VPS8: variants seen among roughly 807,000 people sequenced by gnomAD.
VPS8 encodes the protein VPS8 subunit of CORVET complex, also known as vacuolar protein sorting-associated protein 8 homolog.
VPS8 carries 129 observed loss-of-function variants against 216.4 expected under a neutral mutation model. The ratio of observed to expected loss-of-function variants is 0.60; its 90% CI spans 0.52 to 0.69. The LOEUF is 0.69. Ranked by LOEUF, VPS8 falls within the 30% of genes least tolerant of loss-of-function variation. VPS8 has a pLI of 0.00. For synonymous variants in VPS8, 571 were observed against 565.4 expected, an observed-to-expected ratio of 1.01 and a Z score of -0.14; for missense variants, 1,531 against 1,683.5, an observed-to-expected ratio of 0.91 and a Z score of 1.59.
chr3:184,851,593 C>T (rs1400056373), intron 10 of VPS8, among the ~76,000 whole-genome samples: 1 of 152,034 alleles, frequency 6.6e-6, no homozygotes, highest in Non-Finnish European at 1.5e-5. Flanking sequence ...TCCTGCACTC[C>T]AGCGGACCAT....
At chr3:184,926,027 G>A (rs1218361578) in intron 30 of VPS8, among the ~76,000 whole-genome samples, 1 of 149,484 alleles carries the variant, frequency 6.7e-6, no homozygotes, top group Non-Finnish European at 1.5e-5. Flanking sequence ...CGCCCTCCTC[G>A]GCCTCCCAAA....
intron 15 of VPS8, among the ~76,000 whole-genome samples, chr3:184,861,701 A>G (rs1726398858): frequency 6.6e-6 from 1 of 152,206 alleles, no homozygotes; most frequent in Non-Finnish European, 1.5e-5. Flanking sequence ...TAAAAGGCTT[A>G]TTTACAACAA....
chr3:184,885,981 C>A, intron 21 of VPS8, 129 bp from the exon 22 acceptor site: 2 of 1,001,952 alleles, frequency 2.0e-6, no homozygotes, highest in Non-Finnish European at 1.5e-6. Context: ...TGCCAAATTG[C>A]TTACCAAAAG....
intron 8 of VPS8, among the ~76,000 whole-genome samples, chr3:184,847,788 TAATA>T (rs1723420398): frequency 6.6e-6 from 1 of 152,218 alleles, no homozygotes; most frequent in South Asian, 2.1e-4. Flanking sequence ...TAACAGAATT[TAATA>T]AATATTTGAG....
At chr3:184,944,551 T>A in intron 36 of VPS8, 1 of 985,420 alleles carries the variant, frequency 1.0e-6, no homozygotes, top group Non-Finnish European at 1.2e-6. Flanking sequence ...CACGTGTTTT[T>A]TGTGAGGCCA....
chr3:184,822,637 G>T (rs960425098), intron 1 of VPS8, among the ~76,000 whole-genome samples: 1 of 152,224 alleles, frequency 6.6e-6, no homozygotes, highest in African/African-American at 2.4e-5. Flanking sequence ...ACGTGAATTA[G>T]ATTGTGCATG....
intron 3 of VPS8, among the ~76,000 whole-genome samples, chr3:184,828,555 T>G (rs970386974): frequency 6.6e-6 from 1 of 152,170 alleles, no homozygotes; most frequent in Admixed American, 6.5e-5. Flanking sequence ...TCTTCTGAGA[T>G]TTTTAATTTT....
At chr3:184,824,499 AT>A in intron 1 of VPS8, 45 bp from the exon 2 acceptor site, 1 of 925,228 alleles carries the variant, frequency 1.1e-6, no homozygotes, top group Middle Eastern at 2.4e-4. Flanking sequence ...GGAAATCTAA[AT>A]GATAGTGTTT....
chr3:184,893,311 A>G, intron 22 of VPS8: 2 of 1,286,122 alleles, frequency 1.6e-6, no homozygotes, highest in South Asian at 1.2e-5. Context: ...GTCATGAAAG[A>G]CCATACCTGT....
At position 184,985,688 on chromosome 3, in the gene VPS8, G is replaced by C. The variant is rs575709066; in HGVS notation, c.3585+2594G>C. ...CAAATGGCCTAAACAAGGCCAATCA[G>C]TGTGCTTTCCAGGACATTTTGGAAC... On this transcript the variant is annotated intron_variant, in intron 42 of 47. Coordinates refer to ENST00000625842, the MANE Select transcript of VPS8 (RefSeq NM_001009921.3). Among the ~76,000 whole-genome samples the C allele has an allele frequency of 7.9e-5, 12 of 152,314 alleles. No individual in the cohort carries two copies. The South Asian group carries it at 2.5e-3, about 32-fold the overall frequency.
intron 24 of VPS8, among the ~76,000 whole-genome samples, chr3:184,899,281 A>AT (rs1262283455): frequency 6.6e-6 from 1 of 152,216 alleles, no homozygotes; most frequent in Non-Finnish European, 1.5e-5. Context: ...TTGTAGACAC[A>AT]TGTAGTGCCC....
chr3:184,919,486 T>C (rs1282797493), intron 28 of VPS8, among the ~76,000 whole-genome samples: 1 of 152,210 alleles, frequency 6.6e-6, no homozygotes, highest in Non-Finnish European at 1.5e-5. Flanking sequence ...TTACATATAC[T>C]GACAAACAGA....
At chr3:184,967,443 A>C (rs956812215) in intron 39 of VPS8, among the ~76,000 whole-genome samples, 7 of 152,240 alleles carry the variant, frequency 4.6e-5, no homozygotes, top group African/African-American at 1.7e-4. Flanking sequence ...GTTTTAACCC[A>C]AAGCAGTAAA....
chr3:184,871,616 T>A (rs992136320), intron 21 of VPS8, among the ~76,000 whole-genome samples: 1 of 152,140 alleles, frequency 6.6e-6, no homozygotes, highest in African/African-American at 2.4e-5. Flanking sequence ...AGAAACAGGC[T>A]ATGGGCAGGA....
At chr3:184,876,043 C>G (rs763557957) in intron 21 of VPS8, among the ~76,000 whole-genome samples, 1 of 151,578 alleles carries the variant, frequency 6.6e-6, no homozygotes, top group Non-Finnish European at 1.5e-5. Flanking sequence ...CATCCCTTAA[C>G]CTATTCCATG....
intron 3 of VPS8, among the ~76,000 whole-genome samples, chr3:184,830,974 G>A (rs1023726825): frequency 2.0e-5 from 3 of 152,168 alleles, no homozygotes; most frequent in Non-Finnish European, 4.4e-5. Flanking sequence ...CTATAGATAT[G>A]GATGAGCTTA....
rs530373645 is a variant in VPS8 at position 185,047,915 on chromosome 3, G to A, written c.4057-564G>A. Among the ~76,000 whole-genome samples the A allele has an allele frequency of 5.3e-5, 8 of 152,268 alleles. No individual in the cohort carries two copies. The East Asian group carries it at 1.2e-3, about 22-fold the overall frequency. ...GATCAGGTCCACTGAGAGAAGAACC[G>A]CAGTTTGGCAGGTCCCACCACAATA... On this transcript the variant is annotated intron_variant, in intron 46 of 47. Coordinates refer to ENST00000625842, the MANE Select transcript of VPS8 (RefSeq NM_001009921.3).
chr3:184,839,858 A>G (rs1052363071), intron 7 of VPS8, 106 bp downstream of exon 7: 3 of 1,450,744 alleles, frequency 2.1e-6, no homozygotes, highest in Non-Finnish European at 2.7e-6. Flanking sequence ...TCTTGAACAA[A>G]ACCAGAAAAA....
chr3:184,868,118 CT>C, intron 18 of VPS8, 59 bp downstream of exon 18: 1 of 1,555,812 alleles, frequency 6.4e-7, no homozygotes, highest in Non-Finnish European at 8.8e-7. Flanking sequence ...CTTAACATTT[CT>C]GTTTTGACTT....
Sources: gnomAD v4.1 joint callset for allele counts (sites outside exome capture counted in the v4.1 genomes callset) on GRCh38, gnomAD v4.1.1 for gene constraint, MANE v1.5 for transcripts, NCBI Gene and HGNC (gene_info 2026-07-23, HGNC 2026-07-21) for gene names.